FILIP1L: variants seen among roughly 807,000 people sequenced by gnomAD.
FILIP1L encodes filamin A-interacting protein 1-like.
Under a neutral mutation model 96.6 loss-of-function variants are expected in FILIP1L, and 55 were observed. The ratio of observed to expected loss-of-function variants is 0.57; its 90% CI spans 0.46 to 0.71. The LOEUF (loss-of-function observed/expected upper bound fraction) is 0.71, where lower values mean the gene tolerates loss of function less well. FILIP1L is among the 30% of genes least tolerant of loss of function. FILIP1L has a pLI of 0.00. For missense variants in FILIP1L, 1,304 were observed against 1,321.2 expected (o/e 0.99, Z 0.20); for synonymous variants, 467 against 473.9 (o/e 0.99, Z 0.19).
At chr3:99,893,601 A>G (rs946055238) in intron 4 of FILIP1L, among the ~76,000 whole-genome samples, 1 of 152,174 alleles carries the variant, frequency 6.6e-6, no homozygotes, top group African/African-American at 2.4e-5. Flanking sequence ...TCTTTTTACT[A>G]TCATGTAGGT....
chr3:100,051,156 CA>C (rs2065365126), intron 1 of FILIP1L: 1 of 151,932 alleles, frequency 6.6e-6, no homozygotes, highest in Non-Finnish European at 1.5e-5. Context: ...TTCCATAAGT[CA>C]GAAATTTAAA....
chr3:99,992,057 T>A (rs1337661403), intron 1 of FILIP1L, among the ~76,000 whole-genome samples: 1 of 151,448 alleles, frequency 6.6e-6, no homozygotes, highest in Non-Finnish European at 1.5e-5. Flanking sequence ...TCTTTCTTTA[T>A]ATAGTCCTCC....
At chr3:99,862,172 A>C (rs573224025) in intron 4 of FILIP1L, among the ~76,000 whole-genome samples, 1 of 152,272 alleles carries the variant, frequency 6.6e-6, no homozygotes, top group Non-Finnish European at 1.5e-5. Context: ...ATATATAAAA[A>C]CATCATGTTA....
rs57213563 is a variant in FILIP1L at position 99,835,317 on chromosome 3, G to A, written c.3382-4712C>T. ...ATCTTTCTTTTTTAGAGTTCACCCA[G>A]AGACATTATCTGTTCTTTCCTGTTT... On this transcript the variant is annotated intron_variant, in intron 5 of 5. Transcript: ENST00000477258. Among the ~76,000 whole-genome samples, 929 of 152,248 alleles carry A rather than the reference G, an allele frequency of 6.1e-3. 4 individuals are homozygous for A. Among genetic ancestry groups the A allele is most frequent in the African/African-American group, 0.021 (889 of 41,540 alleles).
At chr3:100,053,930 T>C (rs1175245423) in intron 1 of FILIP1L, among the ~76,000 whole-genome samples, 1 of 152,238 alleles carries the variant, frequency 6.6e-6, no homozygotes, top group Non-Finnish European at 1.5e-5. Flanking sequence ...TCCAAGTGTT[T>C]CCAAGCATTG....
intron 5 of FILIP1L, chr3:99,833,337 A>C (rs1942763889): frequency 7.7e-7 from 1 of 1,290,742 alleles, no homozygotes; most frequent in Non-Finnish European, 1.1e-6. Context: ...TGTTTTATCC[A>C]TAGATTCTCA....
intron 1 of FILIP1L, among the ~76,000 whole-genome samples, chr3:99,970,377 C>T (rs1708777840): frequency 6.6e-6 from 1 of 152,240 alleles, no homozygotes; most frequent in Admixed American, 6.5e-5. Flanking sequence ...CCAAACTCCT[C>T]TTAAGCATGT....
intron 3 of FILIP1L, among the ~76,000 whole-genome samples, chr3:99,924,708 G>T (rs1707235793): frequency 6.6e-6 from 1 of 152,098 alleles, no homozygotes; most frequent in Non-Finnish European, 1.5e-5. Context: ...TTTTAGTAGA[G>T]ACAGGGTTTC....
intron 1 of FILIP1L, among the ~76,000 whole-genome samples, chr3:100,036,862 G>A (rs938371055): frequency 1.3e-5 from 2 of 152,094 alleles, no homozygotes; most frequent in African/African-American, 2.4e-5. Context: ...TTGATATTAC[G>A]CAGTGAGAAA....
At position 99,866,272 on chromosome 3, in the gene FILIP1L, G is replaced by A. The variant is rs542276124; in HGVS notation, c.606-15202C>T. 9.1e-4 allele frequency among the ~76,000 whole-genome samples: 138 copies of A among 152,144 alleles called. 1 individual carries two copies. The highest frequency in any genetic ancestry group is 3.2e-3 in the African/African-American group (133 of 41,512). On this transcript the variant is annotated intron_variant, in intron 4 of 5. Coordinates refer to ENST00000477258, the MANE Select transcript of FILIP1L (RefSeq NM_001387850.1). ...AAAAGCCAAAGCAGGGGCCAGTCAC[G>A]TACCAGAATGGATAAGTTCACTGGT...
At chr3:100,012,302 G>A (rs1208545180) in intron 1 of FILIP1L, among the ~76,000 whole-genome samples, 1 of 152,104 alleles carries the variant, frequency 6.6e-6, no homozygotes, top group East Asian at 1.9e-4. Context: ...CCAAATATGA[G>A]ATGTATAAAA....
chr3:100,052,526 A>G (rs1392503872), intron 1 of FILIP1L, among the ~76,000 whole-genome samples: 1 of 152,184 alleles, frequency 6.6e-6, no homozygotes, highest in Admixed American at 6.5e-5. Flanking sequence ...CTGAACCTCT[A>G]AGTGAAACTG....
chr3:99,855,904 C>A (rs2107541345), intron 4 of FILIP1L, among the ~76,000 whole-genome samples: 1 of 152,294 alleles, frequency 6.6e-6, no homozygotes, highest in East Asian at 1.9e-4. Flanking sequence ...AATCGGACAG[C>A]CAAACCAGTC....
At chr3:100,061,674 T>C (rs2065568685) in intron 1 of FILIP1L, among the ~76,000 whole-genome samples, 1 of 152,240 alleles carries the variant, frequency 6.6e-6, no homozygotes. Flanking sequence ...GCTTTACACA[T>C]ATGAATTCAT....
intron 3 of FILIP1L, among the ~76,000 whole-genome samples, chr3:99,928,122 C>T (rs1481628921): frequency 6.6e-6 from 1 of 152,206 alleles, no homozygotes; most frequent in Non-Finnish European, 1.5e-5. Flanking sequence ...GATGCTTATT[C>T]TCATGTAATT....
intron 4 of FILIP1L, among the ~76,000 whole-genome samples, chr3:99,883,743 T>C (rs775418375): frequency 6.6e-6 from 1 of 152,236 alleles, no homozygotes; most frequent in Non-Finnish European, 1.5e-5. Context: ...CAATAATAGG[T>C]GACACATTTA....
chr3:99,906,554 A>G (rs1330384345), intron 4 of FILIP1L, among the ~76,000 whole-genome samples: 1 of 152,126 alleles, frequency 6.6e-6, no homozygotes. Context: ...TTAACCTTTT[A>G]TGATTGGTGA....
rs867931080 is a variant in FILIP1L, at chr3:100,007,532, C to T, written c.-10-76502G>A. Among the ~76,000 whole-genome samples, 4 of 152,060 alleles carry T rather than the reference C, an allele frequency of 2.6e-5. No homozygotes were observed. The South Asian group carries it at 6.2e-4, about 24-fold the overall frequency. ...TAGTCAGCAGAAACAGTAAGAGATC[C>T]GTTATGTAATGAAGAAGAGAGTCAG... On this transcript the variant is annotated intron_variant, in intron 1 of 5. Transcript: ENST00000477258.
chr3:99,934,817 GA>G (rs969783112), intron 1 of FILIP1L, among the ~76,000 whole-genome samples: 5 of 152,162 alleles, frequency 3.3e-5, no homozygotes, highest in African/African-American at 1.2e-4. Flanking sequence ...AAAAAGGAAT[GA>G]CCTGAAACAT....
Sources: gnomAD v4.1 joint callset for allele counts (sites outside exome capture counted in the v4.1 genomes callset) on GRCh38, gnomAD v4.1.1 for gene constraint, MANE v1.5 for transcripts, NCBI Gene and HGNC (gene_info 2026-07-23, HGNC 2026-07-21) for gene names.